UHRF2: variants seen among roughly 807,000 people sequenced by gnomAD.
UHRF2 encodes the protein ubiquitin like with PHD and ring finger domains 2.
A neutral mutation model predicts 96.8 loss-of-function variants in UHRF2; 23 were observed. The ratio of observed to expected loss-of-function variants is 0.24; its 90% CI spans 0.17 to 0.34. The LOEUF is 0.34. UHRF2 is among the 10% of genes least tolerant of loss of function. UHRF2 has a pLI of 1.00. For missense variants in UHRF2, 685 were observed against 981.5 expected (o/e 0.70, Z 4.04); for synonymous variants, 385 against 332.6 (o/e 1.16, Z -1.72).
intron 6 of UHRF2, among the ~76,000 whole-genome samples, chr9:6,479,723 C>A (rs1481142584): frequency 6.6e-6 from 1 of 152,172 alleles, no homozygotes; most frequent in African/African-American, 2.4e-5. Context: ...CCCCAGTCTT[C>A]ATTAAATAGT....
At chr9:6,481,243 C>T (rs921871756) in intron 6 of UHRF2, among the ~76,000 whole-genome samples, 3 of 152,140 alleles carry the variant, frequency 2.0e-5, no homozygotes, top group Admixed American at 6.5e-5. Flanking sequence ...TCTGGGAATT[C>T]TAATAACCAA....
chr9:6,500,554 G>T lies in UHRF2; in HGVS notation c.2008G>T (p.Asp670Tyr), dbSNP rs1451825050. 1 of 1,606,824 alleles carries T rather than the reference G, an allele frequency of 6.2e-7. No individual in the cohort carries two copies. Among genetic ancestry groups the T allele is most frequent in the African/African-American group, 1.3e-5 (1 of 74,664 alleles). The change falls in exon 14 of 16, where the codon GAC becomes TAC. Residue 670 changes from aspartate to tyrosine, a missense_variant and splice_region_variant. Transcript: ENST00000276893. ...GTTKRPISDD[D>Y]CPSASKVYKA... is the part of the protein sequence containing the mutation. ...ATACATTTTTAAAATAAATCTAGAT[G>T]ACTGTCCAAGTGCCTCCAAAGTGTA...
At chr9:6,466,551 G>GA (rs34552859) in intron 4 of UHRF2, among the ~76,000 whole-genome samples, 16 of 110,966 alleles carry the variant, frequency 1.4e-4, no homozygotes, top group South Asian at 3.2e-4. Flanking sequence ...AAAAAAAAAG[G>GA]AAAAAAAAAA....
intron 2 of UHRF2, among the ~76,000 whole-genome samples, chr9:6,430,359 G>T (rs1288066623): frequency 1.3e-5 from 2 of 152,136 alleles, no homozygotes; most frequent in Non-Finnish European, 2.9e-5. Flanking sequence ...CTTAAGTGTA[G>T]AATTATGTGG....
In UHRF2 at chr9:6,462,236, T is replaced by C. The variant is rs182180815; in HGVS notation, c.863+1445T>C. 4.7e-3 allele frequency among the ~76,000 whole-genome samples: 707 copies of C among 151,776 alleles called. 7 individuals are homozygous for C. The highest frequency in any genetic ancestry group is 6.8e-3 in the Non-Finnish European group (460 of 68,000). On this transcript the variant is annotated intron_variant, in intron 4 of 15. Coordinates refer to ENST00000276893, the MANE Select transcript of UHRF2 (RefSeq NM_152896.3). ...TTTTGTGCTCCACAGTATTGTTGAA[T>C]AATTGCAACTGAGACCATCTAGCCT... is the stretch of plus-strand genomic sequence containing the variant.
chr9:6,444,765 C>T (rs1022934659), intron 3 of UHRF2, among the ~76,000 whole-genome samples: 4 of 151,956 alleles, frequency 2.6e-5, no homozygotes, highest in Admixed American at 6.6e-5. Flanking sequence ...ACCACGCCTG[C>T]CTAATTTTTG....
chr9:6,499,020 A>G (rs1466554952), intron 12 of UHRF2: 1 of 152,256 alleles, frequency 6.6e-6, no homozygotes, highest in East Asian at 1.9e-4. Context: ...ATCAACTGCT[A>G]AAACAACTAC....
chr9:6,477,023 A>G (rs1823614140), intron 5 of UHRF2, among the ~76,000 whole-genome samples: 1 of 152,138 alleles, frequency 6.6e-6, no homozygotes, highest in South Asian at 2.1e-4. Context: ...CTGAGGGGTC[A>G]GGAGTTTGAG....
intron 10 of UHRF2, chr9:6,494,707 C>G (rs1824862412): frequency 6.6e-6 from 1 of 152,004 alleles, no homozygotes; most frequent in South Asian, 2.1e-4. Context: ...GTTTTTATAT[C>G]CTGTTACTAA....
rs772809922 is a variant in UHRF2, at chr9:6,500,721, TTTTTTTAA to T, written c.2163+13_2163+20del. 6.3e-7 allele frequency: 1 copy of T among 1,592,572 alleles called. No individual in the cohort carries two copies. The highest frequency in any genetic ancestry group is 1.8e-5 in the Admixed American group (1 of 54,678). ...TTGTGGAAGGACCAGTATGTGAAGA[TTTTTTTAA>T]ATAATAACATTCTGATATTAACAAA... is the stretch of plus-strand genomic sequence containing the variant. On this transcript the variant is annotated intron_variant, in intron 14 of 15. Transcript: ENST00000276893.
chr9:6,448,952 G>A (rs144171766), intron 3 of UHRF2, among the ~76,000 whole-genome samples: 2 of 152,310 alleles, frequency 1.3e-5, no homozygotes, highest in African/African-American at 4.8e-5. Context: ...AAACATCGCA[G>A]AACAAGCAGT....
At position 6,506,279 on chromosome 9, in the gene UHRF2, C is replaced by A. The variant is rs1045937949; in HGVS notation, c.*100C>A. On this transcript the variant is annotated 3_prime_UTR_variant, in exon 16 of 16. Transcript: ENST00000276893. The stretch of plus-strand genomic sequence containing the variant: ...AAGAAATGGTGGACTGTATCTCTCA[C>A]GTTCTGAAGCAGCTAATCCTCTTTC... 2 of 1,460,828 alleles carry A rather than the reference C, an allele frequency of 1.4e-6. No homozygotes were observed. The highest frequency in any genetic ancestry group is 1.9e-6 in the Non-Finnish European group (2 of 1,077,470). The allele number at this position is 1,460,828 out of a possible 1,614,324, so 90.5% of individuals were successfully genotyped here. A position where few individuals can be genotyped will look rare whatever the true frequency, so the allele number is the denominator to read the frequency against.
rs771286854 is a variant in UHRF2 at position 6,506,084 on chromosome 9, C to A, written c.2314C>A (p.Arg772=). The change falls in exon 16 of 16, where the codon CGG becomes AGG. Residue 772 remains arginine, a synonymous_variant. Coordinates refer to ENST00000276893, the MANE Select transcript of UHRF2 (RefSeq NM_152896.3). The part of the protein sequence containing the change: ...KAQVFSCPAC[R]HDLGQNYIMI... ...ACAGGTTTTCTCCTGCCCTGCTTGCCGGCATGATCTTGGCCAGAATTACAT... is the reference window on the plus strand; with the variant it reads ...ACAGGTTTTCTCCTGCCCTGCTTGCAGGCATGATCTTGGCCAGAATTACAT... 8 of 1,614,148 alleles carry A rather than the reference C, an allele frequency of 5.0e-6. No homozygotes were observed. The highest frequency in any genetic ancestry group is 6.8e-6 in the Non-Finnish European group (8 of 1,180,026).
intron 4 of UHRF2, chr9:6,468,769 A>G (rs1369381679): frequency 4.5e-6 from 2 of 446,752 alleles, no homozygotes; most frequent in Admixed American, 4.8e-5. Context: ...AACTGGTGTA[A>G]TGGCTCCACA....
At chr9:6,477,313 T>C (rs1587850384) in intron 5 of UHRF2, among the ~76,000 whole-genome samples, 1 of 151,088 alleles carries the variant, frequency 6.6e-6, no homozygotes, top group East Asian at 2.0e-4. Context: ...TCACCTGAGG[T>C]TGGAAGTTTG....
chr9:6,456,757 C>G (rs1422232152), intron 3 of UHRF2, among the ~76,000 whole-genome samples: 1 of 152,158 alleles, frequency 6.6e-6, no homozygotes, highest in Non-Finnish European at 1.5e-5. Flanking sequence ...ATGTGGCTAG[C>G]CAGTTTTCCC....
At chr9:6,495,155 G>A (rs558626718) in intron 10 of UHRF2, 3 of 152,086 alleles carry the variant, frequency 2.0e-5, no homozygotes, top group Non-Finnish European at 4.4e-5. Context: ...TGCTTGAAAG[G>A]AACTTCCTTC....
rs185268510 is a variant in UHRF2, at chr9:6,467,481, C to G, written c.863+6690C>G. 3.9e-5 allele frequency among the ~76,000 whole-genome samples: 6 copies of G among 152,156 alleles called. No homozygotes were observed. The East Asian group carries it at 1.2e-3, about 29-fold the overall frequency. ...GGGGCCCATTGTTCTGCCTGTCATA[C>G]CACTGGAATGTTAATGTTTTGTTTG... On this transcript the variant is annotated intron_variant, in intron 4 of 15. Coordinates refer to ENST00000276893, the MANE Select transcript of UHRF2 (RefSeq NM_152896.3).
intron 8 of UHRF2, among the ~76,000 whole-genome samples, chr9:6,484,880 G>A (rs1185629198): frequency 4.0e-5 from 5 of 125,340 alleles, no homozygotes; most frequent in Admixed American, 1.0e-4. Flanking sequence ...CGCAACCTCC[G>A]CCTCCTGGTT....
Sources: allele counts gnomAD v4.1 joint callset (sites outside exome capture counted in the v4.1 genomes callset), GRCh38; gene constraint gnomAD v4.1.1; transcripts MANE v1.5; gene names NCBI Gene and HGNC (gene_info 2026-07-23, HGNC 2026-07-21).